ANKK1: variants seen among roughly 807,000 people sequenced by gnomAD.
The protein encoded by ANKK1 is ankyrin repeat and protein kinase domain-containing protein 1.
A neutral mutation model predicts 37.6 loss-of-function variants in ANKK1; 37 were observed. The observed-to-expected ratio is 0.98, with a 90% CI of 0.76 to 1.29. ANKK1 has a LOEUF of 1.29. Ranked by LOEUF, ANKK1 falls within the 50% of genes most tolerant of loss-of-function variation. The probability of loss-of-function intolerance (pLI) is 0.00; values close to 1 mark genes in which losing one functional copy is unlikely to be tolerated. For synonymous variants in ANKK1, 415 were observed against 418.7 expected, an observed-to-expected ratio of 0.99 and a Z score of 0.11; for missense variants, 1,019 against 990.6, an observed-to-expected ratio of 1.03 and a Z score of -0.39.
intron 2 of ANKK1, among the ~76,000 whole-genome samples, chr11:113,394,373 AT>A (rs745470337): frequency 4.6e-5 from 7 of 152,274 alleles, no homozygotes; most frequent in Middle Eastern, 6.8e-3. Context: ...TTGAATAAGT[AT>A]TTACGAGGAT....
At chr11:113,392,917 G>A (rs940948565) in intron 1 of ANKK1, among the ~76,000 whole-genome samples, 2 of 152,214 alleles carry the variant, frequency 1.3e-5, no homozygotes, top group Non-Finnish European at 2.9e-5. Context: ...GAGTGAAAGA[G>A]AGGGAGAAAG....
chr11:113,393,619 G>A lies in ANKK1; in HGVS notation c.324G>A (p.Lys108=), dbSNP rs1950607973. The A allele has an allele frequency of 1.9e-6, 3 of 1,613,832 alleles. No homozygotes were observed. The highest frequency in any genetic ancestry group is 1.1e-5 in the South Asian group (1 of 91,072). Residue 108 remains lysine (K), a synonymous_variant, in exon 2 of 8, where the codon AAG becomes AAA. Coordinates refer to ENST00000303941, the MANE Select transcript of ANKK1 (RefSeq NM_178510.2). ...TTATGGCCAACGGCTCCCTGGAGAA[G>A]GTGCTGTCCACCCACAGCCTCTGCT... ...MEFMANGSLE[K]VLSTHSLCWK...
chr11:113,391,678 A>G (rs1016675679), intron 1 of ANKK1, among the ~76,000 whole-genome samples: 10 of 152,124 alleles, frequency 6.6e-5, no homozygotes, highest in Non-Finnish European at 1.0e-4. Context: ...AAACTAAAGG[A>G]AGAGCAGGTT....
intron 1 of ANKK1, among the ~76,000 whole-genome samples, chr11:113,389,616 GAA>G (rs1307900751): frequency 6.6e-6 from 1 of 152,236 alleles, no homozygotes; most frequent in African/African-American, 2.4e-5. Flanking sequence ...CTCATTAACA[GAA>G]AGTTTGACTG....
At position 113,387,910 on chromosome 11, in the gene ANKK1, G is replaced by T; in HGVS notation, c.26G>T (p.Arg9Leu). The change falls in exon 1 of 8, where the codon CGG (arginine) becomes CTG (leucine). Residue 9 changes from arginine to leucine, a missense_variant. Transcript: ENST00000303941. MAADPTELRLGSLPVFTRD... is the reference protein window; with the variant it reads MAADPTELLLGSLPVFTRD... ...ATGGCTGCCGACCCCACCGAGCTGC[G>T]GCTGGGCAGCCTCCCCGTCTTCACC... 1 of 1,560,642 alleles carries T rather than the reference G, an allele frequency of 6.4e-7. No individual in the cohort carries two copies. The highest frequency in any genetic ancestry group is 8.6e-7 in the Non-Finnish European group (1 of 1,157,370).
chr11:113,391,106 G>A (rs1370054555), intron 1 of ANKK1, among the ~76,000 whole-genome samples: 1 of 152,218 alleles, frequency 6.6e-6, no homozygotes, highest in Non-Finnish European at 1.5e-5. Context: ...TGAAGGAAAT[G>A]AAGGGGTAAT....
At chr11:113,397,617 C>T (rs939024757) in intron 6 of ANKK1, among the ~76,000 whole-genome samples, 3 of 152,220 alleles carry the variant, frequency 2.0e-5, no homozygotes, top group African/African-American at 4.8e-5. Context: ...CTCTCCCAAG[C>T]TTTCATGCTG....
chr11:113,394,562 G>T (rs1950621057), intron 2 of ANKK1, among the ~76,000 whole-genome samples: 1 of 152,196 alleles, frequency 6.6e-6, no homozygotes, highest in African/African-American at 2.4e-5. Flanking sequence ...GAGGTGCAAT[G>T]AATAGCTTAC....
At chr11:113,388,964 A>G (rs1950568491) in intron 1 of ANKK1, among the ~76,000 whole-genome samples, 1 of 152,126 alleles carries the variant, frequency 6.6e-6, no homozygotes, top group African/African-American at 2.4e-5. Context: ...TCTGGCTTGG[A>G]TGCTATCTGT....
rs1456165174 is a variant in ANKK1, at chr11:113,395,399, C to T, written c.673C>T (p.Pro225Ser). 6.2e-7 allele frequency: 1 copy of T among 1,613,890 alleles called. No individual in the cohort carries two copies. The highest frequency in any genetic ancestry group is 1.6e-4 in the Middle Eastern group (1 of 6,062). ...VIWELLTQKK[P>S]YSGFNMMMII... The stretch of plus-strand genomic sequence containing the variant: ...CTGGGAGCTACTCACTCAGAAGAAA[C>T]CATACTCAGGTAAGCAGGCGGCTGT... The change falls in exon 4 of 8, where the codon CCA becomes TCA. Residue 225 changes from proline (P) to serine (S), a missense_variant. Coordinates refer to ENST00000303941, the MANE Select transcript of ANKK1 (RefSeq NM_178510.2).
chr11:113,397,885 A>G (rs984007669), intron 6 of ANKK1, 95 bp from the exon 7 acceptor site: 1 of 1,374,606 alleles, frequency 7.3e-7, no homozygotes, highest in African/African-American at 1.4e-5. Flanking sequence ...CCTGACAGTG[A>G]CCGGGAAGGT....
rs56005821 is a variant in ANKK1, at chr11:113,399,319, C to T, written c.1350C>T (p.His450=). The part of the protein sequence containing the change: ...DDGTARLLLD[H]GACVDAQERE... ...GCACTGCGCGCCTGCTCCTGGACCACGGGGCCTGTGTGGATGCCCAGGAAC... is the reference window on the plus strand; with the variant it reads ...GCACTGCGCGCCTGCTCCTGGACCATGGGGCCTGTGTGGATGCCCAGGAAC... The change falls in exon 8 of 8, where the codon CAC becomes CAT. Residue 450 remains histidine, a synonymous_variant. Coordinates refer to ENST00000303941, the MANE Select transcript of ANKK1 (RefSeq NM_178510.2). 494 of 1,600,260 alleles carry T rather than the reference C, an allele frequency of 3.1e-4. No individual in the cohort carries two copies. The highest frequency in any genetic ancestry group is 3.9e-4 in the Non-Finnish European group (453 of 1,173,806).
intron 2 of ANKK1, 27 bp downstream of exon 2, chr11:113,393,802 C>T: frequency 4.5e-6 from 7 of 1,562,484 alleles, no homozygotes; most frequent in Non-Finnish European, 5.2e-6. Flanking sequence ...ATCCTCCGCT[C>T]CCTTTCACTT....
intron 2 of ANKK1, among the ~76,000 whole-genome samples, chr11:113,394,282 C>A (rs972709930): frequency 6.6e-6 from 1 of 152,148 alleles, no homozygotes; most frequent in African/African-American, 2.4e-5. Context: ...TTCACTGTAC[C>A]TCTGATTCTC....
At position 113,395,083 on chromosome 11, in the gene ANKK1, GAGA is replaced by G. The variant is rs1029562315; in HGVS notation, c.632+6_632+8del. The G allele has an allele frequency of 2.5e-6, 4 of 1,598,712 alleles. No homozygotes were observed. In the African/African-American group the frequency reaches 4.0e-5, roughly 16 times the overall value. ...GGACCTAAATATGATGTGTACAGGT[GAGA>G]AGGAGGCCTGGCGTGATGCCACACA... is the stretch of plus-strand genomic sequence containing the variant. On this transcript the variant is annotated splice_donor_5th_base_variant and intron_variant, in intron 3 of 7. Coordinates refer to ENST00000303941, the MANE Select transcript of ANKK1 (RefSeq NM_178510.2).
At position 113,400,380 on chromosome 11, in the gene ANKK1, A is replaced by C; in HGVS notation, c.*113A>C. On this transcript the variant is annotated 3_prime_UTR_variant, in exon 8 of 8. Coordinates refer to ENST00000303941, the MANE Select transcript of ANKK1 (RefSeq NM_178510.2). ...GAGGCCAGCCTGGCCAACATGGCAA[A>C]ACCCTGTCTCTGCTAAAAATACAAA... is the stretch of plus-strand genomic sequence containing the variant. 1 of 1,110,744 alleles carries C rather than the reference A, an allele frequency of 9.0e-7. No homozygotes were observed. Among genetic ancestry groups the C allele is most frequent in the Non-Finnish European group, 1.2e-6 (1 of 803,430 alleles). The allele number at this position is 1,110,744 out of a possible 1,614,324, so 68.8% of individuals were successfully genotyped here. A position where few individuals can be genotyped will look rare whatever the true frequency, so the allele number is the denominator to read the frequency against.
chr11:113,396,039 C>T (rs1950635095), intron 4 of ANKK1, 28 bp from the exon 5 acceptor site: 1 of 1,609,826 alleles, frequency 6.2e-7, no homozygotes, highest in African/African-American at 1.3e-5. Flanking sequence ...CCTCTCAGCA[C>T]CCACATAGCC....
Position 113,395,021 on chromosome 11 carries a change from C to G in ANKK1, c.573C>G (p.Ile191Met), listed in dbSNP as rs757065955. The part of the protein sequence containing the change: ...RSALRGMLSY[I>M]PPEMFLESNK... Reference sequence around the variant, plus strand: ...CTCTGCGGGGCATGCTCAGCTACATCCCCCCTGAGATGTTCCTGGAGAGTA... The same window carrying G: ...CTCTGCGGGGCATGCTCAGCTACATGCCCCCTGAGATGTTCCTGGAGAGTA... Residue 191 changes from isoleucine (I) to methionine (M), a missense_variant, in exon 3 of 8, where the codon ATC becomes ATG. By Grantham distance (10) the Ile-to-Met change is conservative. Transcript: ENST00000303941. 1.9e-6 allele frequency: 3 copies of G among 1,613,364 alleles called. No individual in the cohort carries two copies. The South Asian group carries it at 3.3e-5, about 18-fold the overall frequency.
chr11:113,397,889 G>A, intron 6 of ANKK1, 91 bp from the exon 7 acceptor site: 1 of 1,405,518 alleles, frequency 7.1e-7, no homozygotes, highest in Non-Finnish European at 9.9e-7. Flanking sequence ...ACAGTGACCG[G>A]GAAGGTTGGA....
Sources: allele counts gnomAD v4.1 joint callset (sites outside exome capture counted in the v4.1 genomes callset), GRCh38; gene constraint gnomAD v4.1.1; transcripts MANE v1.5; gene names NCBI Gene and HGNC (gene_info 2026-07-23, HGNC 2026-07-21).